The following EPSTI1 variants were observed in gnomAD, a reference collection of about 807,000 sequenced individuals.
EPSTI1 encodes epithelial-stromal interaction protein 1.
EPSTI1 carries 66 observed loss-of-function variants against 49.9 expected under a neutral mutation model. The observed-to-expected ratio is 1.32, with a 90% CI of 1.08 to 1.62. The LOEUF is 1.62. Ranked by LOEUF, EPSTI1 falls within the 40% of genes most tolerant of loss-of-function variation. EPSTI1 has a pLI of 0.00. For missense variants in EPSTI1, 394 were observed against 365.5 expected, an observed-to-expected ratio of 1.08 and a Z score of -0.64; for synonymous variants, 137 against 130.7, an observed-to-expected ratio of 1.05 and a Z score of -0.33.
intron 6 of EPSTI1, among the ~76,000 whole-genome samples, chr13:42,940,809 C>G (rs538878797): frequency 1.3e-5 from 2 of 152,196 alleles, no homozygotes; most frequent in Admixed American, 1.3e-4. Context: ...GATATTTTTG[C>G]CACTGAAATA....
In EPSTI1 at chr13:42,978,933, G is replaced by A. The variant is rs555251334; in HGVS notation, c.189-8263C>T. Among the ~76,000 whole-genome samples the A allele has an allele frequency of 2.0e-5, 3 of 151,982 alleles. No homozygotes were observed. The South Asian group carries it at 6.2e-4, about 32-fold the overall frequency. ...TTTCTAATTATTTCTTTATATCCCT[G>A]TTTCTGGCTCTTCCTTTTAACAACT... On this transcript the variant is annotated intron_variant, in intron 1 of 10. Coordinates refer to ENST00000313624, the MANE Select transcript of EPSTI1 (RefSeq NM_033255.5).
intron 7 of EPSTI1, among the ~76,000 whole-genome samples, chr13:42,920,187 C>T (rs1045944400): frequency 1.1e-4 from 16 of 152,174 alleles, no homozygotes; most frequent in African/African-American, 3.9e-4. Flanking sequence ...TGCTAGGGGT[C>T]AGGGCTTCCA....
intron 10 of EPSTI1, chr13:42,889,365 C>T: frequency 1.6e-6 from 1 of 629,890 alleles, no homozygotes; most frequent in Non-Finnish European, 2.6e-6. Context: ...AAAATCAATC[C>T]ACCTAACATA....
chr13:42,890,399 G>A (rs988095932), intron 10 of EPSTI1, among the ~76,000 whole-genome samples: 4 of 148,766 alleles, frequency 2.7e-5, no homozygotes, highest in Admixed American at 6.8e-5. Flanking sequence ...CCAGGTTCAC[G>A]CCATTCTCCC....
rs571421858 is a variant in EPSTI1, at chr13:42,899,023, C to A, written c.815+1287G>T. On this transcript the variant is annotated intron_variant, in intron 9 of 10. Transcript: ENST00000313624. Reference sequence around the variant, plus strand: ...GACCAGCCTGGCCAACACAGTGAAACCCCGTCTCCACTAAAAATACAAAAA... The same window carrying A: ...GACCAGCCTGGCCAACACAGTGAAAACCCGTCTCCACTAAAAATACAAAAA... Among the ~76,000 whole-genome samples the A allele has an allele frequency of 3.0e-4, 45 of 151,930 alleles. 1 individual carries two copies. In the South Asian group the frequency reaches 9.2e-3, roughly 31 times the overall value.
intron 7 of EPSTI1, among the ~76,000 whole-genome samples, chr13:42,918,750 T>C (rs1283560963): frequency 6.6e-6 from 1 of 152,198 alleles, no homozygotes; most frequent in Non-Finnish European, 1.5e-5. Context: ...ATTGGGCAGG[T>C]AAACATACAT....
chr13:42,929,927 A>C (rs2038306937), intron 6 of EPSTI1, among the ~76,000 whole-genome samples: 1 of 152,212 alleles, frequency 6.6e-6, no homozygotes, highest in African/African-American at 2.4e-5. Context: ...TGGGAAGACC[A>C]GTGTGGGGCT....
At chr13:42,944,422 G>C (rs2038857734) in intron 6 of EPSTI1, among the ~76,000 whole-genome samples, 1 of 152,106 alleles carries the variant, frequency 6.6e-6, no homozygotes, top group Non-Finnish European at 1.5e-5. Flanking sequence ...CACAGGAACA[G>C]AAAACCAAAC....
intron 7 of EPSTI1, among the ~76,000 whole-genome samples, chr13:42,924,068 T>C (rs570248769): frequency 6.6e-6 from 1 of 152,344 alleles, no homozygotes; most frequent in South Asian, 2.1e-4. Flanking sequence ...AAAGAAATGT[T>C]CTTCACAGAA....
intron 1 of EPSTI1, among the ~76,000 whole-genome samples, chr13:42,972,249 A>G (rs1290044131): frequency 6.6e-6 from 1 of 152,168 alleles, no homozygotes; most frequent in Admixed American, 6.5e-5. Flanking sequence ...AGTAGTTCTC[A>G]GCCTTTATCG....
At chr13:42,946,308 C>G (rs903462267) in intron 6 of EPSTI1, among the ~76,000 whole-genome samples, 1 of 152,170 alleles carries the variant, frequency 6.6e-6, no homozygotes, top group Non-Finnish European at 1.5e-5. Flanking sequence ...TTACAATCGG[C>G]AGGCTGAGCT....
chr13:42,947,883 T>G lies in EPSTI1; in HGVS notation c.563+6065A>C, dbSNP rs151310989. Among the ~76,000 whole-genome samples, 421 of 152,358 alleles carry G rather than the reference T, an allele frequency of 2.8e-3. 2 individuals carry two copies. The highest frequency in any genetic ancestry group is 9.6e-3 in the African/African-American group (401 of 41,584). ...TTCTAGCAGTTTCATCCGTCAGGGC[T>G]CTGCTCACCTTCTGGACCGTTAAGG... On this transcript the variant is annotated intron_variant, in intron 6 of 10. Coordinates refer to ENST00000313624, the MANE Select transcript of EPSTI1 (RefSeq NM_033255.5).
chr13:42,903,380 T>C (rs903593107), intron 8 of EPSTI1, among the ~76,000 whole-genome samples: 1 of 151,874 alleles, frequency 6.6e-6, no homozygotes, highest in Non-Finnish European at 1.5e-5. Context: ...TGAGAACACA[T>C]GGATGGGGAC....
rs190298249 is a variant in EPSTI1 at position 42,922,410 on chromosome 13, G to A, written c.657+3926C>T. Among the ~76,000 whole-genome samples, 357 of 152,292 alleles carry A rather than the reference G, an allele frequency of 2.3e-3. 5 individuals are homozygous for A. The highest frequency in any genetic ancestry group is 6.8e-4 in the Non-Finnish European group (46 of 68,020). On this transcript the variant is annotated intron_variant, in intron 7 of 10. Transcript: ENST00000313624. The surrounding 1 kb of genome is among the most constrained non-coding windows in gnomAD (Gnocchi z 4.8). ...TTATAAGAGGAAGGCAGAAAGGTCAGGGAGGGTGCAGAAGGTTGGGTGAGA... is the reference window on the plus strand; with the variant it reads ...TTATAAGAGGAAGGCAGAAAGGTCAAGGAGGGTGCAGAAGGTTGGGTGAGA...
intron 5 of EPSTI1, among the ~76,000 whole-genome samples, chr13:42,959,821 C>T (rs2039391504): frequency 6.6e-6 from 1 of 152,190 alleles, no homozygotes; most frequent in Non-Finnish European, 1.5e-5. Context: ...TCCTCCTTAT[C>T]TGTGAGTTCC....
At chr13:42,952,953 T>C (rs1399579847) in intron 6 of EPSTI1, among the ~76,000 whole-genome samples, 1 of 152,112 alleles carries the variant, frequency 6.6e-6, no homozygotes, top group African/African-American at 2.4e-5. Flanking sequence ...ACAAATATGC[T>C]CACCCCAACA....
chr13:42,901,421 A>C (rs1411422777), intron 8 of EPSTI1, among the ~76,000 whole-genome samples: 2 of 152,196 alleles, frequency 1.3e-5, no homozygotes, highest in African/African-American at 4.8e-5. Flanking sequence ...ATTGCTCATC[A>C]ATCCCTAAAG....
At position 42,985,098 on chromosome 13, in the gene EPSTI1, GA is replaced by G. The variant is rs541099804; in HGVS notation, c.188+6879del. 8.6e-4 allele frequency among the ~76,000 whole-genome samples: 131 copies of G among 152,286 alleles called. 1 individual carries two copies. Among genetic ancestry groups the G allele is most frequent in the Admixed American group, 6.5e-3 (99 of 15,296 alleles). Reference sequence around the variant, plus strand: ...CAGGGGTAGGGAAGGAAAGCTTTGAGAACAAGACTAGGTCTGATTACTATTG... The same window carrying G: ...CAGGGGTAGGGAAGGAAAGCTTTGAGACAAGACTAGGTCTGATTACTATTG... On this transcript the variant is annotated intron_variant, in intron 1 of 10. Coordinates refer to ENST00000313624, the MANE Select transcript of EPSTI1 (RefSeq NM_033255.5).
At chr13:42,964,905 C>G (rs1172211586) in intron 3 of EPSTI1, among the ~76,000 whole-genome samples, 1 of 152,188 alleles carries the variant, frequency 6.6e-6, no homozygotes, top group Non-Finnish European at 1.5e-5. Flanking sequence ...AAATAATTCT[C>G]TGGTGCTTTG....
Sources: allele counts gnomAD v4.1 joint callset (sites outside exome capture counted in the v4.1 genomes callset), GRCh38; gene constraint gnomAD v4.1.1; non-coding constraint Gnocchi (gnomAD v3.1); transcripts MANE v1.5; gene names NCBI Gene and HGNC (gene_info 2026-07-23, HGNC 2026-07-21).